TENM4: variants seen among roughly 807,000 people sequenced by gnomAD.
TENM4 encodes the protein teneurin-4.
TENM4 carries 82 observed loss-of-function variants against 243.3 expected under a neutral mutation model. That is an observed-to-expected ratio of 0.34 (90% CI 0.28 to 0.40). The LOEUF (loss-of-function observed/expected upper bound fraction) is 0.40, where lower values mean the gene tolerates loss of function less well. TENM4 is among the 10% of genes least tolerant of loss of function. The probability of loss-of-function intolerance (pLI) is 1.00; values close to 1 mark genes in which losing one functional copy is unlikely to be tolerated. For synonymous variants in TENM4, 1,412 were observed against 1,456.3 expected (o/e 0.97, Z 0.69); for missense variants, 3,138 against 3,673.3 (o/e 0.85, Z 3.77).
intron 2 of TENM4, among the ~76,000 whole-genome samples, chr11:79,286,070 G>A (rs554011335): frequency 1.4e-4 from 21 of 152,230 alleles, no homozygotes; most frequent in African/African-American, 2.6e-4. Flanking sequence ...TACAGAAAAC[G>A]TATGCAAGAA....
At chr11:79,389,438 TG>T (rs1187048131) in intron 1 of TENM4, among the ~76,000 whole-genome samples, 2 of 152,234 alleles carry the variant, frequency 1.3e-5, no homozygotes, top group Non-Finnish European at 2.9e-5. Flanking sequence ...ATTACAGGTG[TG>T]AGCCACTGTG....
chr11:79,305,010 A>T (rs1205970754), intron 1 of TENM4, among the ~76,000 whole-genome samples: 1 of 152,260 alleles, frequency 6.6e-6, no homozygotes, highest in Non-Finnish European at 1.5e-5. Context: ...AAACAAAAAC[A>T]AGGAAGTCAG....
intron 3 of TENM4, among the ~76,000 whole-genome samples, chr11:79,202,913 T>G (rs1212810344): frequency 6.6e-6 from 1 of 152,230 alleles, no homozygotes; most frequent in Non-Finnish European, 1.5e-5. Flanking sequence ...CATCCCACAC[T>G]GTGCTAAAGG....
intron 6 of TENM4, among the ~76,000 whole-genome samples, chr11:78,963,889 C>T (rs1330657696): frequency 1.3e-5 from 2 of 150,390 alleles, no homozygotes; most frequent in Admixed American, 6.6e-5. Context: ...CTGCCACCTG[C>T]CTATTTTTTT....
chr11:79,319,466 G>GA (rs984170201), intron 1 of TENM4, among the ~76,000 whole-genome samples: 4 of 151,976 alleles, frequency 2.6e-5, no homozygotes, highest in African/African-American at 4.8e-5. Flanking sequence ...ATAATAAACA[G>GA]AAAAAACCCT....
At chr11:79,212,884 C>G (rs964633631) in intron 3 of TENM4, among the ~76,000 whole-genome samples, 1 of 152,136 alleles carries the variant, frequency 6.6e-6, no homozygotes, top group African/African-American at 2.4e-5. Context: ...GCCTCCTGAC[C>G]GAGGGAGACG....
At chr11:79,014,897 T>G (rs956672843) in intron 6 of TENM4, 1 of 152,336 alleles carries the variant, frequency 6.6e-6, no homozygotes, top group Admixed American at 6.5e-5. Flanking sequence ...AATGCTCTCC[T>G]GCCTGGACAT....
chr11:79,372,471 G>T (rs976192120), intron 1 of TENM4, among the ~76,000 whole-genome samples: 1 of 152,222 alleles, frequency 6.6e-6, no homozygotes. Context: ...CAGCAAGGAT[G>T]TGGGGTAGGG....
intron 25 of TENM4, among the ~76,000 whole-genome samples, chr11:78,718,933 C>T (rs1396616123): frequency 6.6e-6 from 1 of 152,142 alleles, no homozygotes; most frequent in Non-Finnish European, 1.5e-5. Flanking sequence ...TACTTTAATA[C>T]ATGTGCCTTT....
intron 1 of TENM4, among the ~76,000 whole-genome samples, chr11:79,303,972 T>A (rs1241868591): frequency 6.6e-6 from 1 of 151,916 alleles, no homozygotes; most frequent in African/African-American, 2.4e-5. Flanking sequence ...AGAAGCCCAG[T>A]TGTGTGTGTT....
At chr11:79,098,837 G>A (rs994039407) in intron 4 of TENM4, among the ~76,000 whole-genome samples, 1 of 152,146 alleles carries the variant, frequency 6.6e-6, no homozygotes, top group Non-Finnish European at 1.5e-5. Context: ...AAGGAACGTG[G>A]TATTGCAGCT....
chr11:79,379,002 G>A (rs925466404), intron 1 of TENM4, among the ~76,000 whole-genome samples: 1 of 152,028 alleles, frequency 6.6e-6, no homozygotes, highest in Non-Finnish European at 1.5e-5. Context: ...ACACTGGTAA[G>A]CCCAAGCCTC....
At chr11:78,661,421 A>G in intron 33 of TENM4, 28 bp downstream of exon 33, 1 of 1,596,682 alleles carries the variant, frequency 6.3e-7, no homozygotes. Flanking sequence ...GAGTGGCCTG[A>G]GGAGTGGCAG....
intron 4 of TENM4, among the ~76,000 whole-genome samples, chr11:79,144,941 A>G (rs886627601): frequency 6.6e-6 from 1 of 152,098 alleles, no homozygotes; most frequent in Non-Finnish European, 1.5e-5. Flanking sequence ...TTCAATATTT[A>G]TAACACAAAT....
At chr11:79,125,025 T>G (rs538118746) in intron 4 of TENM4, among the ~76,000 whole-genome samples, 5 of 151,236 alleles carry the variant, frequency 3.3e-5, no homozygotes, top group Non-Finnish European at 7.4e-5. Context: ...AAGGATGGAG[T>G]ATTTTGGTGG....
intron 6 of TENM4, among the ~76,000 whole-genome samples, chr11:78,910,276 G>A (rs1856157103): frequency 6.6e-6 from 1 of 152,170 alleles, no homozygotes; most frequent in African/African-American, 2.4e-5. Flanking sequence ...CATTAATTGG[G>A]TCCTAAAGAT....
intron 19 of TENM4, among the ~76,000 whole-genome samples, chr11:78,742,449 T>C (rs1161112020): frequency 6.6e-6 from 1 of 152,182 alleles, no homozygotes; most frequent in Non-Finnish European, 1.5e-5. Context: ...TGTTAGGTGC[T>C]GAGTTCCAGA....
At chr11:78,992,145 G>A (rs962054399) in intron 6 of TENM4, among the ~76,000 whole-genome samples, 5 of 152,226 alleles carry the variant, frequency 3.3e-5, no homozygotes, top group Non-Finnish European at 4.4e-5. Context: ...AAGGAGTTCA[G>A]ACCTGAGAGC....
At chr11:78,884,901 GAAT>G (rs1855517922) in intron 9 of TENM4, among the ~76,000 whole-genome samples, 1 of 152,126 alleles carries the variant, frequency 6.6e-6, no homozygotes, top group African/African-American at 2.4e-5. Flanking sequence ...TGTCAATTGC[GAAT>G]AATAACTCAT....
Sources: allele counts gnomAD v4.1 joint callset (sites outside exome capture counted in the v4.1 genomes callset), GRCh38; gene constraint gnomAD v4.1.1; transcripts MANE v1.5; gene names NCBI Gene and HGNC (gene_info 2026-07-23, HGNC 2026-07-21).